DYRK1A: variants seen among roughly 807,000 people sequenced by gnomAD.
DYRK1A encodes the protein dual specificity tyrosine phosphorylation regulated kinase 1A, also known as dual specificity tyrosine-phosphorylation-regulated kinase 1A.
Under a neutral mutation model 79.7 loss-of-function variants are expected in DYRK1A, and 9 were observed. The observed-to-expected ratio is 0.11, with a 90% CI of 0.07 to 0.20. DYRK1A has a LOEUF of 0.20. Among genes scored for constraint, DYRK1A ranks in the 10% least tolerant of loss-of-function variants. The pLI is 1.00. For synonymous variants in DYRK1A, 349 were observed against 329.7 expected (o/e 1.06, Z -0.63); for missense variants, 622 against 956.0 (o/e 0.65, Z 4.61).
chr21:37,382,258 T>C (rs1317217024), intron 1 of DYRK1A, among the ~76,000 whole-genome samples: 35 of 151,954 alleles, frequency 2.3e-4, no homozygotes, highest in Non-Finnish European at 4.4e-5. Context: ...TGATCTCACT[T>C]TTACGGGGAT....
At chr21:37,378,761 G>A (rs1182397086) in intron 1 of DYRK1A, among the ~76,000 whole-genome samples, 2 of 152,142 alleles carry the variant, frequency 1.3e-5, no homozygotes, top group Admixed American at 1.3e-4. Context: ...TGTTGAGATA[G>A]GTGTGTCAAT....
chr21:37,471,986 T>G (rs912973169), intron 2 of DYRK1A, among the ~76,000 whole-genome samples: 2 of 152,238 alleles, frequency 1.3e-5, no homozygotes, highest in Non-Finnish European at 2.9e-5. Flanking sequence ...AGTGTTAATT[T>G]TTCATTTCCA....
At chr21:37,505,739 A>G (rs2053576842) in intron 10 of DYRK1A, 150 bp downstream of exon 10, 2 of 890,214 alleles carry the variant, frequency 2.2e-6, no homozygotes, top group Middle Eastern at 3.6e-4. Flanking sequence ...TAGTAAATTC[A>G]TCTCCCCCAA....
rs2053791970 is a variant in DYRK1A at position 37,512,741 on chromosome 21, A to G, written c.*210A>G. On this transcript the variant is annotated 3_prime_UTR_variant, in exon 12 of 12. Transcript: ENST00000647188. Reference sequence around the variant, plus strand: ...GCCATGTCCAAACCCATCTTCATGGATAGCTCAGAGGTATCCTCTTTTTGC... The same window carrying G: ...GCCATGTCCAAACCCATCTTCATGGGTAGCTCAGAGGTATCCTCTTTTTGC... 1 of 602,150 alleles carries G rather than the reference A, an allele frequency of 1.7e-6. No homozygotes were observed. The highest frequency in any genetic ancestry group is 2.2e-5 in the South Asian group (1 of 45,546). The allele number at this position is 602,150 out of a possible 1,614,324, so 37.3% of individuals were successfully genotyped here.
chr21:37,438,593 C>T (rs1404597634), intron 2 of DYRK1A, among the ~76,000 whole-genome samples: 1 of 152,170 alleles, frequency 6.6e-6, no homozygotes, highest in Non-Finnish European at 1.5e-5. Flanking sequence ...GTCCTTTCTC[C>T]ACTGAATTGC....
At chr21:37,488,828 G>GGA (rs2052970515) in intron 6 of DYRK1A, 1 of 985,186 alleles carries the variant, frequency 1.0e-6, no homozygotes, top group South Asian at 4.7e-5. Context: ...TGCTTAACCA[G>GGA]GAGATTAAAA....
intron 7 of DYRK1A, among the ~76,000 whole-genome samples, chr21:37,492,136 G>A (rs1023580065): frequency 2.6e-5 from 4 of 152,216 alleles, no homozygotes; most frequent in Non-Finnish European, 5.9e-5. Flanking sequence ...CCATGGAAAT[G>A]TAATACTTCT....
chr21:37,422,475 C>T (rs2050501471), intron 2 of DYRK1A, among the ~76,000 whole-genome samples: 1 of 152,118 alleles, frequency 6.6e-6, no homozygotes, highest in South Asian at 2.1e-4. Flanking sequence ...AAGTGGTCTG[C>T]TTTCTCTGGG....
rs148110866 is a variant in DYRK1A, at chr21:37,474,864, T to A, written c.207+1984T>A. Among the ~76,000 whole-genome samples the A allele has an allele frequency of 1.2e-3, 178 of 152,338 alleles. 1 individual carries two copies. Among genetic ancestry groups the A allele is most frequent in the African/African-American group, 4.1e-3 (170 of 41,586 alleles). ...AATATCTTCCATAGTTCTTAAATTC[T>A]AGTACCCTGGATATGTGTTATAGAT... On this transcript the variant is annotated intron_variant, in intron 3 of 11. Transcript: ENST00000647188.
intron 1 of DYRK1A, among the ~76,000 whole-genome samples, chr21:37,371,155 A>G (rs1162490674): frequency 6.6e-6 from 1 of 152,228 alleles, no homozygotes; most frequent in Non-Finnish European, 1.5e-5. Flanking sequence ...GCTTTTTGAA[A>G]TCTTGCCTTA....
At chr21:37,483,540 G>C (rs535476160) in intron 5 of DYRK1A, among the ~76,000 whole-genome samples, 9 of 152,108 alleles carry the variant, frequency 5.9e-5, no homozygotes, top group African/African-American at 2.2e-4. Context: ...TCTTCTGAGG[G>C]GGTTTTCAGT....
intron 1 of DYRK1A, among the ~76,000 whole-genome samples, chr21:37,392,313 G>A (rs971066181): frequency 2.4e-4 from 36 of 152,200 alleles, no homozygotes; most frequent in African/African-American, 8.4e-4. Flanking sequence ...CAGGGGAGAA[G>A]TGGAAAGAAT....
In DYRK1A at chr21:37,523,530, C is replaced by A. The variant is rs888932544; in HGVS notation, c.*10999C>A. The A allele has an allele frequency of 1.3e-5, 2 of 152,212 alleles. No homozygotes were observed. Among genetic ancestry groups the A allele is most frequent in the Non-Finnish European group, 2.9e-5 (2 of 68,042 alleles). The allele number at this position is 152,212 out of a possible 1,614,324, so 9.4% of individuals were successfully genotyped here. On this transcript the variant is annotated 3_prime_UTR_variant, in exon 12 of 12. Coordinates refer to ENST00000647188, the MANE Select transcript of DYRK1A (RefSeq NM_001347721.2). ...AGTTTTTGTCTCCCTGAAGCATCAA[C>A]CTGCTTTCCTGCTGCTGTTATCACA...
At chr21:37,386,660 G>A (rs1223357619) in intron 1 of DYRK1A, among the ~76,000 whole-genome samples, 2 of 151,248 alleles carry the variant, frequency 1.3e-5, no homozygotes, top group Non-Finnish European at 2.9e-5. Context: ...GACCCATACT[G>A]GCTTAAAATA....
At chr21:37,480,574 C>G (rs1487482226) in intron 4 of DYRK1A, 64 bp from the exon 5 acceptor site, 1 of 1,302,478 alleles carries the variant, frequency 7.7e-7, no homozygotes, top group Non-Finnish European at 1.1e-6. Context: ...TCAATATACT[C>G]TGATAATGCC....
At chr21:37,430,665 ATTCTCT>A (rs1165049503) in intron 2 of DYRK1A, among the ~76,000 whole-genome samples, 1 of 152,116 alleles carries the variant, frequency 6.6e-6, no homozygotes, top group Non-Finnish European at 1.5e-5. Context: ...TGGCAGGAAG[ATTCTCT>A]TTCTCTGCTT....
At chr21:37,381,702 C>T (rs771177505) in intron 1 of DYRK1A, among the ~76,000 whole-genome samples, 9 of 152,120 alleles carry the variant, frequency 5.9e-5, no homozygotes, top group Non-Finnish European at 7.4e-5. Flanking sequence ...GCAGGAGGAT[C>T]GCTTGATTCT....
intron 1 of DYRK1A, among the ~76,000 whole-genome samples, chr21:37,368,615 T>C (rs2049366064): frequency 6.6e-6 from 1 of 152,112 alleles, no homozygotes; most frequent in African/African-American, 2.4e-5. Flanking sequence ...AGTGCCAGGC[T>C]CTGTTTTTAG....
chr21:37,502,688 C>T (rs919398020), intron 9 of DYRK1A: 2 of 152,138 alleles, frequency 1.3e-5, no homozygotes, highest in Non-Finnish European at 2.9e-5. Flanking sequence ...TATATTTGCT[C>T]TTTTCTGGTG....
Sources: allele counts gnomAD v4.1 joint callset (sites outside exome capture counted in the v4.1 genomes callset), GRCh38; gene constraint gnomAD v4.1.1; transcripts MANE v1.5; gene names NCBI Gene and HGNC (gene_info 2026-07-23, HGNC 2026-07-21).